LIMA1: variants seen among roughly 807,000 people sequenced by gnomAD.
LIMA1 encodes LIM domain and actin binding 1, also known as LIM domain and actin-binding protein 1.
In LIMA1, 52 loss-of-function variants were observed where a neutral mutation model predicts 62.6. The observed-to-expected ratio is 0.83, with a 90% CI of 0.67 to 1.05. The LOEUF is 1.05. LIMA1 is among the 50% of genes least tolerant of loss of function. LIMA1 has a pLI of 0.00. For missense variants in LIMA1, 780 were observed against 902.2 expected, an observed-to-expected ratio of 0.86 and a Z score of 1.74; for synonymous variants, 302 against 317.8, an observed-to-expected ratio of 0.95 and a Z score of 0.53.
chr12:50,200,868 C>G lies in LIMA1; in HGVS notation c.881G>C (p.Ser294Thr), dbSNP rs1425453522. ...TTTATGAATTTTGATTTCGCCACCA[C>G]TGGCTTTCAGCTCATTCTACAAAAT... ...STNYTNELKASGGEIKIHKME... is the reference protein window; with the variant it reads ...STNYTNELKATGGEIKIHKME... The change falls in exon 7 of 11, where the codon AGT (serine) becomes ACT (threonine). Residue 294 changes from serine to threonine, a missense_variant. Ser to Thr is a moderately conservative substitution (Grantham distance 58, BLOSUM62 1). Coordinates refer to ENST00000341247, the MANE Select transcript of LIMA1 (RefSeq NM_016357.5). The G allele has an allele frequency of 1.2e-6, 2 of 1,614,042 alleles. No individual in the cohort carries two copies. Among genetic ancestry groups the G allele is most frequent in the Non-Finnish European group, 1.7e-6 (2 of 1,179,968 alleles).
At chr12:50,281,745 C>G (rs1416179319) in intron 1 of LIMA1, among the ~76,000 whole-genome samples, 1 of 152,138 alleles carries the variant, frequency 6.6e-6, no homozygotes, top group Non-Finnish European at 1.5e-5. Context: ...GATACAAATA[C>G]ATAGATTGAA....
rs774021215 is a variant in LIMA1, at chr12:50,222,183, T to C, written c.468A>G (p.Thr156=). The C allele has an allele frequency of 6.2e-7, 1 of 1,614,258 alleles. No individual in the cohort carries two copies. Among genetic ancestry groups the C allele is most frequent in the Admixed American group, 1.7e-5 (1 of 60,028 alleles). Residue 156 remains threonine, a synonymous_variant, in exon 4 of 11, where the codon ACA becomes ACG. Coordinates refer to ENST00000341247, the MANE Select transcript of LIMA1 (RefSeq NM_016357.5). Reference sequence around the variant, plus strand: ...GACAATTTTCCATTTTTTTACTTTCTGTTGAGTGGTCTTTAAGATCCTCAC... The same window carrying C: ...GACAATTTTCCATTTTTTTACTTTCCGTTGAGTGGTCTTTAAGATCCTCAC... ...KDGEDLKDHS[T]ESKKMENCLG...
intron 6 of LIMA1, among the ~76,000 whole-genome samples, chr12:50,203,385 A>T (rs1941092224): frequency 6.6e-6 from 1 of 151,904 alleles, no homozygotes; most frequent in Non-Finnish European, 1.5e-5. Context: ...GTAAAGGGGA[A>T]GGACCCTCCA....
chr12:50,240,006 C>CATAAT (rs1941751864), intron 2 of LIMA1, among the ~76,000 whole-genome samples: 1 of 126,208 alleles, frequency 7.9e-6, no homozygotes, highest in African/African-American at 3.1e-5. Context: ...AATAACATAA[C>CATAAT]ATAACATAAC....
intron 9 of LIMA1, chr12:50,188,578 C>CT (rs1276660578): frequency 6.6e-6 from 1 of 152,176 alleles, no homozygotes; most frequent in Non-Finnish European, 1.5e-5. Flanking sequence ...ATAGGGCCGT[C>CT]TACTACTATA....
intron 2 of LIMA1, among the ~76,000 whole-genome samples, chr12:50,247,046 G>C (rs1173134821): frequency 6.6e-6 from 1 of 152,160 alleles, no homozygotes; most frequent in Non-Finnish European, 1.5e-5. Context: ...TGAGGTGGGA[G>C]GATTGCTTGA....
intron 2 of LIMA1, among the ~76,000 whole-genome samples, chr12:50,245,334 G>A (rs776511755): frequency 9.3e-5 from 14 of 151,188 alleles, no homozygotes; most frequent in East Asian, 1.9e-4. Flanking sequence ...GACTGCTTGA[G>A]CCTGGGAGGT....
chr12:50,278,362 C>A (rs1055294927), intron 1 of LIMA1, among the ~76,000 whole-genome samples: 1 of 152,126 alleles, frequency 6.6e-6, no homozygotes, highest in Non-Finnish European at 1.5e-5. Context: ...GTGGAGCTTG[C>A]AGTGAGCAGA....
intron 8 of LIMA1, among the ~76,000 whole-genome samples, chr12:50,194,420 C>T (rs925708811): frequency 5.3e-5 from 8 of 152,222 alleles, no homozygotes; most frequent in Non-Finnish European, 1.0e-4. Flanking sequence ...CCTCAGTGTC[C>T]TGAGTAGCTG....
intron 3 of LIMA1, among the ~76,000 whole-genome samples, chr12:50,228,928 C>T (rs1010131382): frequency 1.1e-4 from 16 of 152,094 alleles, no homozygotes; most frequent in African/African-American, 3.9e-4. Flanking sequence ...TGCTATATTG[C>T]CCAGGCTGAT....
intron 4 of LIMA1, among the ~76,000 whole-genome samples, chr12:50,209,216 TTATACATCCA>T (rs1423102467): frequency 6.6e-6 from 1 of 152,024 alleles, no homozygotes; most frequent in Non-Finnish European, 1.5e-5. Context: ...TCATGAATTA[TTATACATCCA>T]TATGACTCAC....
Position 50,181,903 on chromosome 12 carries a change from C to A in LIMA1, c.1274+1G>T. 1 of 1,614,042 alleles carries A rather than the reference C, an allele frequency of 6.2e-7. No individual in the cohort carries two copies. The highest frequency in any genetic ancestry group is 8.5e-7 in the Non-Finnish European group (1 of 1,180,006). On this transcript the variant is annotated splice_donor_variant, in intron 10 of 10. Coordinates refer to ENST00000341247, the MANE Select transcript of LIMA1 (RefSeq NM_016357.5). LOFTEE classifies it high-confidence loss of function. ...AGATGGCTTGTTTTGGGCTGACTTA[C>A]CTGAGTTTGTTGTTGCAATAGGAGC...
At chr12:50,239,709 C>T (rs1312308829) in intron 2 of LIMA1, among the ~76,000 whole-genome samples, 2 of 151,242 alleles carry the variant, frequency 1.3e-5, no homozygotes, top group Non-Finnish European at 2.9e-5. Flanking sequence ...CAGCTAAAAA[C>T]AAATGGATGA....
intron 6 of LIMA1, chr12:50,201,297 A>G: frequency 1.0e-6 from 1 of 1,004,364 alleles, no homozygotes; most frequent in Non-Finnish European, 1.2e-6. Flanking sequence ...TAGAAAATAT[A>G]CTGACCATAC....
chr12:50,189,187 T>C (rs1009588641), intron 9 of LIMA1: 2 of 152,224 alleles, frequency 1.3e-5, no homozygotes, highest in African/African-American at 4.8e-5. Flanking sequence ...TAAACCTTAC[T>C]CTTCTCATAA....
At chr12:50,253,532 C>A (rs895379605) in intron 1 of LIMA1, among the ~76,000 whole-genome samples, 5 of 152,160 alleles carry the variant, frequency 3.3e-5, no homozygotes, top group African/African-American at 1.2e-4. Context: ...ATGTAGAAAA[C>A]CAGCTAGAAA....
chr12:50,175,955 T>C lies in LIMA1; in HGVS notation c.*1109A>G, dbSNP rs972777799. ...CACCTCTCCCTCCCATCCATACAATTTGGAATATCAACTGTGTACAACAAA... is the reference window on the plus strand; with the variant it reads ...CACCTCTCCCTCCCATCCATACAATCTGGAATATCAACTGTGTACAACAAA... On this transcript the variant is annotated 3_prime_UTR_variant, in exon 11 of 11. Coordinates refer to ENST00000341247, the MANE Select transcript of LIMA1 (RefSeq NM_016357.5). 2.6e-5 allele frequency: 4 copies of C among 152,138 alleles called. No homozygotes were observed. The highest frequency in any genetic ancestry group is 9.7e-5 in the African/African-American group (4 of 41,444). 9.4% of individuals were successfully genotyped at this position (152,138 alleles called of 1,614,324 possible).
intron 4 of LIMA1, among the ~76,000 whole-genome samples, chr12:50,207,567 A>G (rs1941176091): frequency 6.6e-6 from 1 of 152,212 alleles, no homozygotes; most frequent in Non-Finnish European, 1.5e-5. Context: ...CTTTAAGTTC[A>G]ATGGACTAAT....
chr12:50,179,392 G>C (rs181963133), intron 10 of LIMA1, among the ~76,000 whole-genome samples: 1 of 150,386 alleles, frequency 6.6e-6, no homozygotes, highest in South Asian at 2.1e-4. Flanking sequence ...TGCCCGCCTC[G>C]GCCTCCCAAA....
Sources: allele counts gnomAD v4.1 joint callset (sites outside exome capture counted in the v4.1 genomes callset), GRCh38; gene constraint gnomAD v4.1.1; transcripts MANE v1.5; gene names NCBI Gene and HGNC (gene_info 2026-07-23, HGNC 2026-07-21).